The following CRTC3 variants were observed in gnomAD, a reference collection of about 807,000 sequenced individuals.
CRTC3 encodes CREB regulated transcription coactivator 3, also known as CREB-regulated transcription coactivator 3.
In CRTC3, 26 loss-of-function variants were observed where a neutral mutation model predicts 74.5. The ratio of observed to expected loss-of-function variants is 0.35; its 90% CI spans 0.26 to 0.48. The LOEUF (loss-of-function observed/expected upper bound fraction) is 0.48. CRTC3 is among the 20% of genes least tolerant of loss of function. The pLI, the probability that CRTC3 is intolerant of heterozygous loss-of-function variation, is 0.99. For missense variants in CRTC3, 760 were observed against 787.3 expected (o/e 0.97, Z 0.41); for synonymous variants, 377 against 325.8 (o/e 1.16, Z -1.69).
At chr15:90,640,132 G>C (rs1200581446) in intron 13 of CRTC3, among the ~76,000 whole-genome samples, 3 of 152,146 alleles carry the variant, frequency 2.0e-5, no homozygotes, top group African/African-American at 7.2e-5. Context: ...TTTGTGGCAA[G>C]AACCAATCCT....
Position 90,602,358 on chromosome 15 carries a change from C to G in CRTC3, c.386C>G (p.Ser129Ter). 1 of 1,601,120 alleles carries G rather than the reference C, an allele frequency of 6.2e-7. No individual in the cohort carries two copies. Among genetic ancestry groups the G allele is most frequent in the Non-Finnish European group, 8.6e-7 (1 of 1,168,752 alleles). Residue 129 changes from serine (S) to a stop codon, truncating the protein, a stop_gained, in exon 4 of 15, where the codon TCA becomes TGA. Coordinates refer to ENST00000268184, the MANE Select transcript of CRTC3 (RefSeq NM_022769.5). LOFTEE classifies it high-confidence loss of function. ...DGSAFGANYS[S>*]QPLDESWPRQ... ...AGTGCTTTTGGAGCCAATTATTCCT[C>G]ACAGCCTCTGGATGAGAGTTGGCCA...
At chr15:90,599,878 T>C (rs1968023618) in intron 3 of CRTC3, among the ~76,000 whole-genome samples, 1 of 152,194 alleles carries the variant, frequency 6.6e-6, no homozygotes, top group Non-Finnish European at 1.5e-5. Context: ...TTCTACTTCC[T>C]GAAATTAAGC....
chr15:90,581,263 A>G (rs912226546), intron 2 of CRTC3, among the ~76,000 whole-genome samples: 1 of 152,232 alleles, frequency 6.6e-6, no homozygotes, highest in African/African-American at 2.4e-5. Context: ...TAGTGGCCAG[A>G]TGAGGAAAAG....
chr15:90,545,418 G>A (rs1284814768), intron 2 of CRTC3, among the ~76,000 whole-genome samples: 1 of 41,072 alleles, frequency 2.4e-5, no homozygotes, highest in African/African-American at 9.2e-5. Context: ...TTTTTTTTTT[G>A]AGACTGAATC....
intron 2 of CRTC3, among the ~76,000 whole-genome samples, chr15:90,581,484 T>C (rs186604319): frequency 3.3e-5 from 5 of 152,318 alleles, no homozygotes; most frequent in Admixed American, 6.5e-5. Flanking sequence ...GAAAAAAAGT[T>C]GTTTTGTTGG....
chr15:90,559,426 A>G (rs1966965229), intron 2 of CRTC3, among the ~76,000 whole-genome samples: 1 of 152,180 alleles, frequency 6.6e-6, no homozygotes, highest in African/African-American at 2.4e-5. Flanking sequence ...ATTATTATCC[A>G]GATTTATGTT....
In CRTC3 at chr15:90,551,277, G is replaced by A. The variant is rs181740414; in HGVS notation, c.231+11140G>A. Among the ~76,000 whole-genome samples the A allele has an allele frequency of 2.9e-3, 444 of 152,180 alleles. 1 individual carries two copies. Among genetic ancestry groups the A allele is most frequent in the Non-Finnish European group, 2.8e-3 (193 of 68,014 alleles). On this transcript the variant is annotated intron_variant, in intron 2 of 14. Transcript: ENST00000268184. ...AGTCAGTAGTATAGTAATACAAATC[G>A]TGCTTAGGAACAATTGTGAAGTAGG...
chr15:90,620,101 G>A (rs942220169), intron 9 of CRTC3: 11 of 316,392 alleles, frequency 3.5e-5, no homozygotes, highest in East Asian at 3.4e-4. Context: ...TGCAGGAATC[G>A]AGAGGAGCCT....
intron 3 of CRTC3, chr15:90,598,645 G>A: frequency 1.6e-6 from 1 of 633,774 alleles, no homozygotes; most frequent in Non-Finnish European, 2.8e-6. Context: ...CAGATTAAGG[G>A]GACAGTGATT....
At position 90,632,063 on chromosome 15, in the gene CRTC3, G is replaced by A. The variant is rs1044821644; in HGVS notation, c.1266+2531G>A. On this transcript the variant is annotated intron_variant, in intron 11 of 14. Coordinates refer to ENST00000268184, the MANE Select transcript of CRTC3 (RefSeq NM_022769.5). ...ACTACAGGTGTATACCATCACACCCGACTAATTTTTGTATTTTTTTTTTTT... is the reference window on the plus strand; with the variant it reads ...ACTACAGGTGTATACCATCACACCCAACTAATTTTTGTATTTTTTTTTTTT... Among the ~76,000 whole-genome samples the A allele has an allele frequency of 3.2e-5, 4 of 124,874 alleles. No homozygotes were observed. In the East Asian group the frequency reaches 6.9e-4, roughly 21 times the overall value. 81.9% of individuals were successfully genotyped at this position (124,874 alleles called of 152,430 possible).
At chr15:90,625,747 A>G (rs372472385) in intron 9 of CRTC3, 29 bp from the exon 10 acceptor site, 5 of 1,590,484 alleles carry the variant, frequency 3.1e-6, no homozygotes, top group African/African-American at 1.3e-5. Flanking sequence ...TACATTGTAG[A>G]AAGTCATTCT....
chr15:90,552,903 G>A (rs1330102225), intron 2 of CRTC3, among the ~76,000 whole-genome samples: 1 of 152,076 alleles, frequency 6.6e-6, no homozygotes, highest in East Asian at 1.9e-4. Context: ...ATGTGAGAGG[G>A]AATTTTGTTC....
intron 4 of CRTC3, among the ~76,000 whole-genome samples, chr15:90,603,815 G>T (rs1968147614): frequency 6.6e-6 from 1 of 152,208 alleles, no homozygotes; most frequent in Admixed American, 6.5e-5. Context: ...ATAAAGATGG[G>T]TAACAGTGGG....
intron 2 of CRTC3, among the ~76,000 whole-genome samples, chr15:90,565,634 T>C (rs1041008574): frequency 1.3e-5 from 2 of 152,382 alleles, no homozygotes; most frequent in East Asian, 3.9e-4. Context: ...GCTCACTTCA[T>C]GTCTCTGTTG....
chr15:90,603,303 C>T (rs567886023), intron 4 of CRTC3, among the ~76,000 whole-genome samples: 48 of 149,354 alleles, frequency 3.2e-4, no homozygotes, highest in South Asian at 1.1e-3. Context: ...AGTAGCCGGG[C>T]GTGGTGGCAG....
At chr15:90,619,962 G>C (rs1357562550) in intron 9 of CRTC3, 172 bp downstream of exon 9, 1 of 604,268 alleles carries the variant, frequency 1.7e-6, no homozygotes, top group African/African-American at 1.9e-5. Context: ...TATTTCATCT[G>C]TTTAAACTAA....
Position 90,530,237 on chromosome 15 carries a change from C to CGCGGGCGGG in CRTC3, c.132+34_132+35insGCGGGCGGG, listed in dbSNP as rs1966602828. On this transcript the variant is annotated intron_variant, in intron 1 of 14. Transcript: ENST00000268184. This position sits in a 1 kb window ranked among gnomAD's most constrained non-coding sequence, Gnocchi z 6.2. ...CCGGGCCGGCGCGGGCGGGGGCGGC[C>CGCGGGCGGG]ACGGCCGCGGGCGGGACCCGCGCGG... 2 of 660,576 alleles carry CGCGGGCGGG rather than the reference C, an allele frequency of 3.0e-6. No homozygotes were observed. The highest frequency in any genetic ancestry group is 2.9e-5 in the African/African-American group (1 of 34,074). The allele number at this position is 660,576 out of a possible 1,614,324, so 40.9% of individuals were successfully genotyped here.
In CRTC3 at chr15:90,643,900, G is replaced by T; in HGVS notation, c.*1760G>T. On this transcript the variant is annotated 3_prime_UTR_variant, in exon 15 of 15. Transcript: ENST00000268184. The stretch of plus-strand genomic sequence containing the variant: ...AGAGGAGCAAGGCTGTACAATGAGG[G>T]TCTGAATCTGGCACACCTGTCCCTT... The T allele has an allele frequency of 4.3e-6, 1 of 232,674 alleles. No homozygotes were observed. Among genetic ancestry groups the T allele is most frequent in the South Asian group, 1.8e-4 (1 of 5,520 alleles). 14.4% of individuals were successfully genotyped at this position (232,674 alleles called of 1,614,324 possible). A position where few individuals can be genotyped will look rare whatever the true frequency, so the allele number is the denominator to read the frequency against.
Position 90,636,835 on chromosome 15 carries a change from A to C in CRTC3, c.1267-1611A>C, listed in dbSNP as rs1969256526. Among the ~76,000 whole-genome samples the C allele has an allele frequency of 2.0e-5, 3 of 152,258 alleles. No homozygotes were observed. The South Asian group carries it at 6.2e-4, about 32-fold the overall frequency. On this transcript the variant is annotated intron_variant, in intron 11 of 14. Coordinates refer to ENST00000268184, the MANE Select transcript of CRTC3 (RefSeq NM_022769.5). The stretch of plus-strand genomic sequence containing the variant: ...TCATCACTGGCCATCAGAGAAATGC[A>C]AATCAAAACCACAATGAGGTACCAT...
Sources: allele counts gnomAD v4.1 joint callset (sites outside exome capture counted in the v4.1 genomes callset), GRCh38; gene constraint gnomAD v4.1.1; non-coding constraint Gnocchi (gnomAD v3.1); transcripts MANE v1.5; gene names NCBI Gene and HGNC (gene_info 2026-07-23, HGNC 2026-07-21).